The following STOX2 variants were observed in gnomAD, a reference collection of about 807,000 sequenced individuals.
STOX2 encodes storkhead-box protein 2.
STOX2 carries 28 observed loss-of-function variants against 60.9 expected under a neutral mutation model. The observed-to-expected ratio is 0.46, with a 90% CI of 0.34 to 0.63. The LOEUF (loss-of-function observed/expected upper bound fraction) is 0.63. Ranked by LOEUF, STOX2 falls within the 30% of genes least tolerant of loss-of-function variation. The pLI is 0.01. For missense variants in STOX2, 1,024 were observed against 1,187.7 expected (o/e 0.86, Z 2.03); for synonymous variants, 472 against 463.9 (o/e 1.02, Z -0.22).
chr4:183,985,807 A>C (rs1191689883), intron 1 of STOX2, among the ~76,000 whole-genome samples: 1 of 152,162 alleles, frequency 6.6e-6, no homozygotes, highest in African/African-American at 2.4e-5. Context: ...TTAGATATGA[A>C]TTTGTAATAC....
chr4:183,934,976 T>C (rs894377434), intron 1 of STOX2, among the ~76,000 whole-genome samples: 1 of 152,250 alleles, frequency 6.6e-6, no homozygotes, highest in Non-Finnish European at 1.5e-5. Context: ...GCCATTGCCA[T>C]TGGCGACACA....
At chr4:183,941,527 C>T (rs981112243) in intron 1 of STOX2, among the ~76,000 whole-genome samples, 2 of 152,148 alleles carry the variant, frequency 1.3e-5, no homozygotes, top group Admixed American at 1.3e-4. Context: ...GAGATCGCAC[C>T]ACTGCACTCC....
chr4:183,911,053 T>C (rs1284069245), intron 1 of STOX2, among the ~76,000 whole-genome samples: 2 of 152,198 alleles, frequency 1.3e-5, no homozygotes, highest in East Asian at 3.8e-4. Flanking sequence ...CCTCCATCTG[T>C]AATGAGTCCC....
In STOX2 at chr4:184,010,485, A is replaced by C; in HGVS notation, c.1647A>C (p.Thr549=). Residue 549 remains threonine, a synonymous_variant, in exon 3 of 4, where the codon ACA becomes ACC. Transcript: ENST00000308497. The surrounding 1 kb of genome is among the most constrained non-coding windows in gnomAD (Gnocchi z 4.5). ...TCCAAAGGGCTCACATTTCGTCCAC[A>C]AGCTATAAAGAGGTGTGTATTCCAG... ...VSLQRAHISS[T]SYKEVCIPEI... 4.3e-6 allele frequency: 7 copies of C among 1,613,860 alleles called. No individual in the cohort carries two copies. The highest frequency in any genetic ancestry group is 5.9e-6 in the Non-Finnish European group (7 of 1,179,852).
intron 1 of STOX2, among the ~76,000 whole-genome samples, chr4:183,868,495 A>C (rs899890108): frequency 1.3e-5 from 2 of 152,242 alleles, no homozygotes; most frequent in African/African-American, 4.8e-5. Context: ...GATCTTCCTC[A>C]GGTCATCTGG....
At chr4:183,896,455 G>T (rs1196508417) in intron 1 of STOX2, among the ~76,000 whole-genome samples, 1 of 152,166 alleles carries the variant, frequency 6.6e-6, no homozygotes, top group African/African-American at 2.4e-5. Flanking sequence ...CAGTGCTCCT[G>T]CGCAGACTCC....
intron 1 of STOX2, among the ~76,000 whole-genome samples, chr4:183,845,766 G>A (rs116608486): frequency 1.5e-4 from 23 of 152,152 alleles, no homozygotes; most frequent in African/African-American, 2.2e-4. Flanking sequence ...ATCTTTATAC[G>A]ATGTGTTCCC....
In STOX2 at chr4:184,017,141, C is replaced by T. The variant is rs1200483676; in HGVS notation, c.2638C>T (p.Arg880Cys). The change falls in exon 4 of 4, where the codon CGT becomes TGT. Residue 880 changes from arginine to cysteine, a missense_variant. Coordinates refer to ENST00000308497, the MANE Select transcript of STOX2 (RefSeq NM_020225.3). ...NTSSIVESNR[R>C]QNPALSPAHG... is the part of the protein sequence containing the mutation. Reference sequence around the variant, plus strand: ...ATCAAGCATTGTTGAAAGTAACCGTCGTCAGAACCCCGCTTTGAGCCCGGC... The same window carrying T: ...ATCAAGCATTGTTGAAAGTAACCGTTGTCAGAACCCCGCTTTGAGCCCGGC... The T allele has an allele frequency of 1.9e-6, 3 of 1,613,846 alleles. No individual in the cohort carries two copies. Among genetic ancestry groups the T allele is most frequent in the South Asian group, 1.1e-5 (1 of 91,028 alleles).
At chr4:183,802,613 C>CTT (rs10661259) in intron 1 of STOX2, among the ~76,000 whole-genome samples, 91,271 of 145,554 alleles carry the variant, frequency 0.63, 28,730 homozygotes, top group East Asian at 0.76. Context: ...GTCCATTTTT[C>CTT]TTTTTTTTTT....
chr4:183,938,526 G>T (rs975346948), intron 1 of STOX2, among the ~76,000 whole-genome samples: 1 of 152,026 alleles, frequency 6.6e-6, no homozygotes, highest in African/African-American at 2.4e-5. Context: ...CAAATTAGCT[G>T]GATGTGGTGG....
intron 1 of STOX2, among the ~76,000 whole-genome samples, chr4:183,840,797 C>A (rs1368458520): frequency 1.3e-5 from 2 of 152,174 alleles, no homozygotes; most frequent in East Asian, 3.8e-4. Flanking sequence ...AAAAAAAGTT[C>A]AGTGATGTGG....
chr4:183,901,525 C>T (rs1429358973), upstream of STOX2, among the ~76,000 whole-genome samples: 2 of 151,630 alleles, frequency 1.3e-5, no homozygotes, highest in Non-Finnish European at 2.9e-5. Flanking sequence ...TTTTGCTTGC[C>T]TACCAACAGT....
intron 1 of STOX2, among the ~76,000 whole-genome samples, chr4:183,876,829 C>T (rs1231379882): frequency 2.6e-5 from 4 of 152,194 alleles, no homozygotes; most frequent in South Asian, 2.1e-4. Context: ...TCTATTCTGA[C>T]GTTTCTTGAA....
At chr4:183,972,625 TG>T (rs1286193555) in intron 1 of STOX2, among the ~76,000 whole-genome samples, 2 of 151,930 alleles carry the variant, frequency 1.3e-5, no homozygotes, top group African/African-American at 4.8e-5. Context: ...TGACAGGAGG[TG>T]GTTTGGAAAT....
intron 1 of STOX2, among the ~76,000 whole-genome samples, chr4:183,926,091 G>A (rs1199381861): frequency 3.3e-5 from 5 of 151,834 alleles, no homozygotes; most frequent in South Asian, 2.1e-4. Flanking sequence ...AGTCTTTTTC[G>A]TTTTAAAAAA....
chr4:183,820,358 C>T (rs1739278197), intron 1 of STOX2, among the ~76,000 whole-genome samples: 1 of 152,188 alleles, frequency 6.6e-6, no homozygotes, highest in Non-Finnish European at 1.5e-5. Flanking sequence ...GTGGGCCACT[C>T]CATGTCCCTT....
At chr4:183,898,906 T>C (rs1347429) in intron 1 of STOX2, among the ~76,000 whole-genome samples, 141,909 of 152,252 alleles carry the variant, frequency 0.93, 66,259 homozygotes, top group Admixed American at 0.97. Flanking sequence ...TGTTCCACTT[T>C]GCAGATATTG....
chr4:183,956,901 A>G (rs1485207707), intron 1 of STOX2, among the ~76,000 whole-genome samples: 1 of 149,396 alleles, frequency 6.7e-6, no homozygotes, highest in Non-Finnish European at 1.5e-5. Context: ...TTGAAGTCCA[A>G]TTATTTCTCC....
At chr4:183,894,496 T>C (rs1399139788) in intron 1 of STOX2, among the ~76,000 whole-genome samples, 2 of 152,136 alleles carry the variant, frequency 1.3e-5, no homozygotes, top group African/African-American at 4.8e-5. Context: ...AGTCCTGTAA[T>C]TTGCTGGAGT....
Sources: allele counts gnomAD v4.1 joint callset (sites outside exome capture counted in the v4.1 genomes callset), GRCh38; gene constraint gnomAD v4.1.1; non-coding constraint Gnocchi (gnomAD v3.1); transcripts MANE v1.5; gene names NCBI Gene and HGNC (gene_info 2026-07-23, HGNC 2026-07-21).